The following NSF variants were observed in gnomAD, a reference collection of about 807,000 sequenced individuals.
The protein encoded by NSF is vesicle-fusing ATPase.
NSF carries 14 observed loss-of-function variants against 50.3 expected under a neutral mutation model. The ratio of observed to expected loss-of-function variants is 0.28; its 90% CI spans 0.18 to 0.44. The LOEUF is 0.44. Ranked by LOEUF, NSF falls within the 20% of genes least tolerant of loss-of-function variation. The probability of loss-of-function intolerance (pLI) is 1.00; values close to 1 mark genes in which losing one functional copy is unlikely to be tolerated. For synonymous variants in NSF, 109 were observed against 175.7 expected, an observed-to-expected ratio of 0.62 and a Z score of 3.00; for missense variants, 218 against 504.3, an observed-to-expected ratio of 0.43 and a Z score of 5.44.
rs574717748 is a variant in NSF, at chr17:46,609,779, A to G, written c.13-14465A>G. 1.6e-4 allele frequency among the ~76,000 whole-genome samples: 23 copies of G among 142,994 alleles called. No homozygotes were observed. The South Asian group carries it at 4.6e-3, about 28-fold the overall frequency. 93.8% of individuals were successfully genotyped at this position (142,994 alleles called of 152,430 possible). A position where few individuals can be genotyped will look rare whatever the true frequency, so the allele number is the denominator to read the frequency against. ...TCCGTAAGATCATGCAGCATTGAAG[A>G]TGTGCAGTTTACTAGATCTTCTAAT... is the stretch of plus-strand genomic sequence containing the variant. On this transcript the variant is annotated intron_variant, in intron 1 of 20. Coordinates refer to ENST00000398238, the MANE Select transcript of NSF (RefSeq NM_006178.4).
At chr17:46,734,834 A>T (rs1286607696) in intron 17 of NSF, among the ~76,000 whole-genome samples, 1 of 152,200 alleles carries the variant, frequency 6.6e-6, no homozygotes, top group Non-Finnish European at 1.5e-5. Flanking sequence ...AGGCAGGAAG[A>T]TTGCTTAAGG....
chr17:46,636,783 T>C (rs1204549155), intron 4 of NSF, among the ~76,000 whole-genome samples: 1 of 132,606 alleles, frequency 7.5e-6, no homozygotes, highest in Non-Finnish European at 1.6e-5. Context: ...GCAGAGGCCA[T>C]GTGGGGAGGA....
intron 4 of NSF, among the ~76,000 whole-genome samples, chr17:46,634,161 G>A (rs1357013181): frequency 6.0e-5 from 1 of 16,744 alleles, no homozygotes; most frequent in Non-Finnish European, 1.1e-4. Context: ...ATGAGCCACC[G>A]TGCCTGGCCA....
chr17:46,716,124 T>C (rs1206320932), intron 15 of NSF, among the ~76,000 whole-genome samples: 1 of 152,248 alleles, frequency 6.6e-6, no homozygotes, highest in African/African-American at 2.4e-5. Context: ...TGTTACCTAA[T>C]GATAGGTTGA....
At chr17:46,595,595 G>A (rs1199963821) in intron 1 of NSF, among the ~76,000 whole-genome samples, 5 of 130,896 alleles carry the variant, frequency 3.8e-5, no homozygotes, top group Non-Finnish European at 1.5e-5. Flanking sequence ...GGGTTCAAGC[G>A]ATTCTCCCGC....
chr17:46,730,168 AG>A (rs2058935052), intron 17 of NSF, among the ~76,000 whole-genome samples: 3 of 152,160 alleles, frequency 2.0e-5, no homozygotes, highest in Admixed American at 1.3e-4. Context: ...ATATATCTAA[AG>A]TTGCTGAAAC....
At chr17:46,703,695 A>AC (rs1201703162) in intron 12 of NSF, among the ~76,000 whole-genome samples, 1 of 151,404 alleles carries the variant, frequency 6.6e-6, no homozygotes, top group African/African-American at 2.4e-5. Flanking sequence ...AAAAAAAAAA[A>AC]AAAAAAAAAC....
At chr17:46,708,485 C>T (rs1412714031) in intron 13 of NSF, among the ~76,000 whole-genome samples, 4 of 145,592 alleles carry the variant, frequency 2.7e-5, no homozygotes, top group Non-Finnish European at 4.5e-5. Flanking sequence ...CCATTTGTTA[C>T]ATATCCTTTT....
chr17:46,713,884 T>A lies in NSF; in HGVS notation c.1659T>A (p.Ala553=). The A allele has an allele frequency of 6.2e-7, 1 of 1,612,546 alleles. No individual in the cohort carries two copies. The highest frequency in any genetic ancestry group is 1.1e-5 in the South Asian group (1 of 90,680). Reference sequence around the variant, plus strand: ...CTCACAGTGGGAAGACTGCTTTAGCTGCAAAAATTGCAGAGGAATCCAACT... The same window carrying A: ...CTCACAGTGGGAAGACTGCTTTAGCAGCAAAAATTGCAGAGGAATCCAACT... The part of the protein sequence containing the change: ...GPPHSGKTAL[A]AKIAEESNFP... Residue 553 remains alanine, a synonymous_variant, in exon 15 of 21, where the codon GCT becomes GCA. Transcript: ENST00000398238.
At chr17:46,743,029 G>A (rs2059091746) in intron 17 of NSF, among the ~76,000 whole-genome samples, 1 of 152,080 alleles carries the variant, frequency 6.6e-6, no homozygotes, top group Non-Finnish European at 1.5e-5. Context: ...TCTCCCTGAG[G>A]CCCCACGCTG....
chr17:46,724,238 A>T (rs919859010), intron 15 of NSF, among the ~76,000 whole-genome samples: 5 of 152,238 alleles, frequency 3.3e-5, no homozygotes, highest in African/African-American at 1.2e-4. Flanking sequence ...CCCTAAGTCC[A>T]TTTAAGAGTC....
chr17:46,708,804 T>TTTTATA (rs1555674082), intron 13 of NSF, among the ~76,000 whole-genome samples: 15 of 64,372 alleles, frequency 2.3e-4, no homozygotes, highest in Non-Finnish European at 3.3e-4. Flanking sequence ...ACCATTTATT[T>TTTTATA]TATATATATA....
intron 8 of NSF, among the ~76,000 whole-genome samples, chr17:46,657,430 T>C (rs2058268603): frequency 6.6e-6 from 1 of 152,148 alleles, no homozygotes; most frequent in African/African-American, 2.4e-5. Flanking sequence ...GGATTTGTCA[T>C]TGAATGGCTG....
intron 20 of NSF, 80 bp from the exon 21 acceptor site, chr17:46,755,722 A>ATTTTTTTTTTTTTTTTTT (rs71138549): frequency 2.1e-6 from 2 of 956,986 alleles, no homozygotes; most frequent in Non-Finnish European, 1.5e-6. Flanking sequence ...GCTTTTAGTG[A>ATTTTTTTTTTTTTTTTTT]TTTTTTTTTT....
At chr17:46,631,082 A>ACACACACACACACACG (rs1555668595) in intron 4 of NSF, among the ~76,000 whole-genome samples, 141 of 142,084 alleles carry the variant, frequency 9.9e-4, no homozygotes, top group Middle Eastern at 3.5e-3. Context: ...ACACACACAC[A>ACACACACACACACACG]CACACACACA....
chr17:46,734,977 T>A (rs2058986235), intron 17 of NSF, among the ~76,000 whole-genome samples: 1 of 152,076 alleles, frequency 6.6e-6, no homozygotes, highest in African/African-American at 2.4e-5. Context: ...CTTGAGCCCA[T>A]GAGTTCAAGA....
intron 15 of NSF, among the ~76,000 whole-genome samples, chr17:46,720,634 A>G (rs1434466433): frequency 6.6e-6 from 1 of 152,216 alleles, no homozygotes; most frequent in Non-Finnish European, 1.5e-5. Flanking sequence ...ACGTTTTTAT[A>G]TGCTACCAAA....
At chr17:46,720,949 T>A (rs2058823955) in intron 15 of NSF, among the ~76,000 whole-genome samples, 1 of 152,206 alleles carries the variant, frequency 6.6e-6, no homozygotes, top group South Asian at 2.1e-4. Flanking sequence ...CCATTTGCAC[T>A]TGTGTAGACT....
chr17:46,750,024 G>A (rs1240658545), intron 18 of NSF, 117 bp downstream of exon 18: 21 of 1,190,758 alleles, frequency 1.8e-5, no homozygotes, highest in Non-Finnish European at 2.1e-5. Flanking sequence ...CATGGGACCC[G>A]GGGATATTAC....
Sources: allele counts gnomAD v4.1 joint callset (sites outside exome capture counted in the v4.1 genomes callset), GRCh38; gene constraint gnomAD v4.1.1; transcripts MANE v1.5; gene names NCBI Gene and HGNC (gene_info 2026-07-23, HGNC 2026-07-21).